GAL3ST3: variants seen among roughly 807,000 people sequenced by gnomAD.
GAL3ST3 encodes the protein beta-galactose-3-O-sulfotransferase 3.
GAL3ST3 carries 21 observed loss-of-function variants against 20.8 expected under a neutral mutation model. The ratio of observed to expected loss-of-function variants is 1.01; its 90% CI spans 0.72 to 1.45. The LOEUF is 1.45. GAL3ST3 is among the 40% of genes most tolerant of loss of function. The probability of loss-of-function intolerance (pLI) is 0.00; values close to 1 mark genes in which losing one functional copy is unlikely to be tolerated. For synonymous variants in GAL3ST3, 355 were observed against 307.2 expected (o/e 1.16, Z -1.63); for missense variants, 739 against 662.7 (o/e 1.12, Z -1.26).
Position 66,041,234 on chromosome 11 carries a change from T to A in GAL3ST3, c.*1273A>T, listed in dbSNP as rs1049701384. Among the ~76,000 whole-genome samples the A allele has an allele frequency of 2.0e-5, 3 of 152,188 alleles. No homozygotes were observed. The highest frequency in any genetic ancestry group is 2.9e-5 in the Non-Finnish European group (2 of 68,022). ...TGGAAAACGGCACCCATCTCCAAAG[T>A]TAACATACATAAAGCCCTTAAACAG... On this transcript the variant is annotated 3_prime_UTR_variant, in exon 3 of 3. Transcript: ENST00000312006.
At chr11:66,044,682 C>T (rs1046046029) in intron 2 of GAL3ST3, among the ~76,000 whole-genome samples, 3 of 152,232 alleles carry the variant, frequency 2.0e-5, no homozygotes, top group Admixed American at 6.5e-5. Flanking sequence ...TATACAAAAA[C>T]AATCCTAGCC....
chr11:66,042,951 C>T lies in GAL3ST3; in HGVS notation c.852G>A (p.Ala284=). Residue 284 remains alanine (A), a synonymous_variant, in exon 3 of 3, where the codon GCG becomes GCA. Coordinates refer to ENST00000312006, the MANE Select transcript of GAL3ST3 (RefSeq NM_033036.3). ...GGGCGTTCCAGGTGCGCGCCGCCCG[C>T]GCCAGCGCCGCGGGGATGGCGGCCA... The part of the protein sequence containing the change: ...SRLAAIPAAL[A]RAARTWNALD... The T allele has an allele frequency of 7.3e-7, 1 of 1,363,140 alleles. No homozygotes were observed. The highest frequency in any genetic ancestry group is 1.4e-5 in the South Asian group (1 of 69,800). 84.4% of individuals were successfully genotyped at this position (1,363,140 alleles called of 1,614,324 possible). A position where few individuals can be genotyped will look rare whatever the true frequency, so the allele number is the denominator to read the frequency against.
In GAL3ST3 at chr11:66,043,227, G is replaced by T. The variant is rs758467706; in HGVS notation, c.576C>A (p.Arg192=). Residue 192 remains arginine, a synonymous_variant, in exon 3 of 3, where the codon CGC becomes CGA. Transcript: ENST00000312006. ...AFLRAPEAYY[R]AGEHFAMFAH... ...CGAACATGGCGAAGTGCTCGCCAGC[G>T]CGGTAGTATGCCTCGGGCGCGCGCA... The T allele has an allele frequency of 5.2e-5, 84 of 1,612,318 alleles. No individual in the cohort carries two copies. Among genetic ancestry groups the T allele is most frequent in the Non-Finnish European group, 6.9e-5 (81 of 1,179,472 alleles).
chr11:66,042,940 C>T lies in GAL3ST3; in HGVS notation c.863G>A (p.Arg288His), dbSNP rs745551285. 29 of 1,235,796 alleles carry T rather than the reference C, an allele frequency of 2.3e-5. No individual in the cohort carries two copies. In the South Asian group the frequency reaches 3.2e-4, roughly 14 times the overall value. 76.6% of individuals were successfully genotyped at this position (1,235,796 alleles called of 1,614,324 possible). A position where few individuals can be genotyped will look rare whatever the true frequency, so the allele number is the denominator to read the frequency against. Residue 288 changes from arginine (R) to histidine (H), a missense_variant, in exon 3 of 3, where the codon CGC becomes CAC. Transcript: ENST00000312006. ...AIPAALARAA[R>H]TWNALDAGLY... ...GCCGGCGTCCAGGGCGTTCCAGGTG[C>T]GCGCCGCCCGCGCCAGCGCCGCGGG...
In GAL3ST3 at chr11:66,043,448, C is replaced by T. The variant is rs747113662; in HGVS notation, c.355G>A (p.Ala119Thr). Residue 119 changes from alanine (A) to threonine (T), a missense_variant, in exon 3 of 3, where the codon GCC becomes ACC. Coordinates refer to ENST00000312006, the MANE Select transcript of GAL3ST3 (RefSeq NM_033036.3). ...RNFSAHFVHP[A>T]TRPPHVLASH... ...GCCAGCACGTGCGGCGGCCGCGTGG[C>T]CGGGTGCACGAAGTGCGCCGAGAAG... is the stretch of plus-strand genomic sequence containing the variant. The T allele has an allele frequency of 4.3e-6, 7 of 1,609,314 alleles. No individual in the cohort carries two copies. Among genetic ancestry groups the T allele is most frequent in the Non-Finnish European group, 8.5e-7 (1 of 1,178,430 alleles).
In GAL3ST3 at chr11:66,043,155, G is replaced by A; in HGVS notation, c.648C>T (p.Ser216=). 3 of 1,611,834 alleles carry A rather than the reference G, an allele frequency of 1.9e-6. No individual in the cohort carries two copies. The highest frequency in any genetic ancestry group is 2.2e-5 in the South Asian group (2 of 91,026). Reference sequence around the variant, plus strand: ...CCAGGTAGGCGGCGTCGTCGCGCGGGCTGCGCTCATTGTCGCCGCCCAGGT... The same window carrying A: ...CCAGGTAGGCGGCGTCGTCGCGCGGACTGCGCTCATTGTCGCCGCCCAGGT... ...AYDLGGDNER[S]PRDDAAYLAG... is the part of the protein sequence containing the mutation. The change falls in exon 3 of 3, where the codon AGC becomes AGT. Residue 216 remains serine, a synonymous_variant. Coordinates refer to ENST00000312006, the MANE Select transcript of GAL3ST3 (RefSeq NM_033036.3).
chr11:66,045,885 A>G (rs1317892528), intron 1 of GAL3ST3, among the ~76,000 whole-genome samples: 4 of 152,070 alleles, frequency 2.6e-5, no homozygotes, highest in African/African-American at 9.7e-5. Context: ...AGAGGTCTCA[A>G]CTCAAAGTTT....
At chr11:66,048,412 G>A (rs1035720550) in intron 1 of GAL3ST3, among the ~76,000 whole-genome samples, 1 of 152,042 alleles carries the variant, frequency 6.6e-6, no homozygotes, top group Non-Finnish European at 1.5e-5. Flanking sequence ...AGCTGAAACC[G>A]ATGCACTTAG....
chr11:66,043,720 G>C, intron 2 of GAL3ST3, 43 bp from the exon 3 acceptor site: 3 of 1,506,290 alleles, frequency 2.0e-6, no homozygotes, highest in Non-Finnish European at 1.8e-6. Context: ...GTGTGAGGGG[G>C]CTGCCGCTTG....
intron 2 of GAL3ST3, 24 bp downstream of exon 2, chr11:66,045,267 C>A (rs1463123580): frequency 6.7e-7 from 1 of 1,499,240 alleles, no homozygotes. Flanking sequence ...GAGCTCCGGC[C>A]CCCCTGGGGC....
Position 66,040,779 on chromosome 11 carries a change from TTAC to T in GAL3ST3, c.*1725_*1727del, listed in dbSNP as rs1856694324. Among the ~76,000 whole-genome samples, 1 of 152,218 alleles carries T rather than the reference TTAC, an allele frequency of 6.6e-6. No individual in the cohort carries two copies. Among genetic ancestry groups the T allele is most frequent in the South Asian group, 2.1e-4 (1 of 4,828 alleles). On this transcript the variant is annotated 3_prime_UTR_variant, in exon 3 of 3. Coordinates refer to ENST00000312006, the MANE Select transcript of GAL3ST3 (RefSeq NM_033036.3). ...ATCACTTTGAGTCTGGTACAATTCT[TTAC>T]TGCTGCTTAATGTCAGAAACTTAAT...
At chr11:66,045,176 C>T in intron 2 of GAL3ST3, 115 bp downstream of exon 2, 3 of 955,644 alleles carry the variant, frequency 3.1e-6, no homozygotes, top group Non-Finnish European at 4.4e-6. Context: ...CTGTGTGGCC[C>T]TAAAGGGAAA....
Position 66,042,191 on chromosome 11 carries a change from G to C in GAL3ST3, c.*316C>G, listed in dbSNP as rs1856711622. 3.6e-6 allele frequency: 1 copy of C among 277,614 alleles called. No homozygotes were observed. The highest frequency in any genetic ancestry group is 5.4e-5 in the Admixed American group (1 of 18,594). The allele number at this position is 277,614 out of a possible 1,614,324, so 17.2% of individuals were successfully genotyped here. ...TATCCACTTGGAAAAGACAGGTTGT[G>C]GGGGCTCAGCCCCCAGAAAAAGGCA... On this transcript the variant is annotated 3_prime_UTR_variant, in exon 3 of 3. Transcript: ENST00000312006.
intron 2 of GAL3ST3, 49 bp from the exon 3 acceptor site, chr11:66,043,726 G>A (rs756978331): frequency 7.6e-5 from 114 of 1,494,050 alleles, no homozygotes; most frequent in Middle Eastern, 1.8e-4. Context: ...GGGGGCTGCC[G>A]CTTGACCCCT....
At position 66,043,493 on chromosome 11, in the gene GAL3ST3, G is replaced by A. The variant is rs138938475; in HGVS notation, c.310C>T (p.Gln104Ter). Residue 104 changes from glutamine to a stop codon, truncating the protein, a stop_gained, in exon 3 of 3, where the codon CAG (glutamine) becomes TAG (stop). Transcript: ENST00000312006. LOFTEE classifies it high-confidence loss of function. ...VALPHPSCEHQFCYPRNFSAH... is the reference protein window; with the variant it reads ...VALPHPSCEH Reference sequence around the variant, plus strand: ...GAGAAGTTGCGGGGGTAGCAGAACTGGTGCTCGCAGCTCGGGTGCGGCAGG... The same window carrying A: ...GAGAAGTTGCGGGGGTAGCAGAACTAGTGCTCGCAGCTCGGGTGCGGCAGG... The A allele has an allele frequency of 4.7e-5, 75 of 1,610,544 alleles. No individual in the cohort carries two copies. Among genetic ancestry groups the A allele is most frequent in the Non-Finnish European group, 6.3e-5 (74 of 1,179,288 alleles).
rs1312022577 is a variant in GAL3ST3 at position 66,042,757 on chromosome 11, C to T, written c.1046G>A (p.Arg349His). 1 of 1,529,196 alleles carries T rather than the reference C, an allele frequency of 6.5e-7. No individual in the cohort carries two copies. The highest frequency in any genetic ancestry group is 8.7e-7 in the Non-Finnish European group (1 of 1,144,000). The allele number at this position is 1,529,196 out of a possible 1,614,324, so 94.7% of individuals were successfully genotyped here. The change falls in exon 3 of 3, where the codon CGC (arginine) becomes CAC (histidine). Residue 349 changes from arginine to histidine, a missense_variant. Arg to His is a conservative substitution (Grantham distance 29, BLOSUM62 0). Transcript: ENST00000312006. ...EPLLRPAAQIRTKQLQPWQPS... is the reference protein window; with the variant it reads ...EPLLRPAAQIHTKQLQPWQPS... ...CTGCCACGGCTGCAGCTGCTTGGTG[C>T]GGATCTGCGCGGCAGGCCGCAGCAG...
At position 66,043,610 on chromosome 11, in the gene GAL3ST3, T is replaced by C; in HGVS notation, c.193A>G (p.Thr65Ala). The stretch of plus-strand genomic sequence containing the variant: ...TTGTGAGTCTTCAGGAAGGCCACAG[T>C]CATGTGCTTGGGGCGCGGCGGCGAG... ...RNSPPRPKHM[T>A]VAFLKTHKTA... The change falls in exon 3 of 3, where the codon ACT becomes GCT. Residue 65 changes from threonine (T) to alanine (A), a missense_variant. By Grantham distance (58) the Thr-to-Ala change is moderately conservative (BLOSUM62 0). Transcript: ENST00000312006. 1.9e-6 allele frequency: 3 copies of C among 1,612,666 alleles called. No homozygotes were observed. The highest frequency in any genetic ancestry group is 3.3e-4 in the Middle Eastern group (2 of 6,060).
At position 66,043,359 on chromosome 11, in the gene GAL3ST3, G is replaced by A. The variant is rs761338664; in HGVS notation, c.444C>T (p.Val148=). 6.2e-7 allele frequency: 1 copy of A among 1,610,060 alleles called. No homozygotes were observed. The highest frequency in any genetic ancestry group is 8.5e-7 in the Non-Finnish European group (1 of 1,178,576). The part of the protein sequence containing the change: ...ERLMPPSTVY[V]TILREPAAMF... ...TGGCGGCCGGCTCGCGCAGGATGGTGACATAGACGGTGCTGGGCGGCATGA... is the reference window on the plus strand; with the variant it reads ...TGGCGGCCGGCTCGCGCAGGATGGTAACATAGACGGTGCTGGGCGGCATGA... Residue 148 remains valine, a synonymous_variant, in exon 3 of 3, where the codon GTC becomes GTT. Coordinates refer to ENST00000312006, the MANE Select transcript of GAL3ST3 (RefSeq NM_033036.3).
At chr11:66,048,974 A>T (rs1590702672) in intron 1 of GAL3ST3, 37 bp downstream of exon 1, 3 of 145,622 alleles carry the variant, frequency 2.1e-5, no homozygotes, top group Admixed American at 2.0e-4. Context: ...GTCCACTCCC[A>T]CCCCTCCAAC....
Sources: allele counts gnomAD v4.1 joint callset (sites outside exome capture counted in the v4.1 genomes callset), GRCh38; gene constraint gnomAD v4.1.1; transcripts MANE v1.5; gene names NCBI Gene and HGNC (gene_info 2026-07-23, HGNC 2026-07-21).